The following ADAT1 variants were observed in gnomAD, a reference collection of about 807,000 sequenced individuals.
The protein encoded by ADAT1 is adenosine deaminase tRNA specific 1, also known as tRNA-specific adenosine deaminase 1.
In ADAT1, 58 loss-of-function variants were observed where a neutral mutation model predicts 58.6. The ratio of observed to expected loss-of-function variants is 0.99; its 90% confidence interval spans 0.80 to 1.23. The LOEUF (loss-of-function observed/expected upper bound fraction) is 1.23, where lower values mean the gene tolerates loss of function less well. Among genes scored for constraint, ADAT1 ranks in the 50% most tolerant of loss-of-function variants. ADAT1 has a pLI of 0.00. For missense variants in ADAT1, 741 were observed against 608.6 expected (o/e 1.22, Z -2.29); for synonymous variants, 254 against 220.8 (o/e 1.15, Z -1.33).
intron 3 of ADAT1, 79 bp downstream of exon 3, chr16:75,620,187 C>T: frequency 2.1e-6 from 3 of 1,415,526 alleles, no homozygotes; most frequent in Non-Finnish European, 3.0e-6. Flanking sequence ...TGACATGGCC[C>T]CTCTTCCCTG....
At chr16:75,603,761 C>T (rs2081288009) in intron 8 of ADAT1, among the ~76,000 whole-genome samples, 1 of 152,160 alleles carries the variant, frequency 6.6e-6, no homozygotes, top group Non-Finnish European at 1.5e-5. Flanking sequence ...GCCTTCTTTT[C>T]CCTCATGTAT....
At chr16:75,604,474 T>TACACACACACACACACACAC (rs373687206) in intron 8 of ADAT1, among the ~76,000 whole-genome samples, 1 of 54,014 alleles carries the variant, frequency 1.9e-5, no homozygotes, top group Non-Finnish European at 2.8e-5. Context: ...TATATATATA[T>TACACACACACACACACACAC]ACACACACAC....
Position 75,604,484 on chromosome 16 carries a change from C to T in ADAT1, c.1290-1313G>A, listed in dbSNP as rs867606139. 0.017 allele frequency among the ~76,000 whole-genome samples: 1,707 copies of T among 98,524 alleles called. 104 individuals carry two copies. In the East Asian group the frequency reaches 0.25, roughly 15 times the overall value. The allele number at this position is 98,524 out of a possible 152,430, so 64.6% of individuals were successfully genotyped here. On this transcript the variant is annotated intron_variant, in intron 8 of 9. Coordinates refer to ENST00000564657, the MANE Select transcript of ADAT1 (RefSeq NM_001324445.2). ...ATATATATATATATATACACACACA[C>T]ACACACACACACACACACACACACA...
Position 75,600,220 on chromosome 16 carries a change from T to A in ADAT1, c.1505A>T (p.Lys502Met). Residue 502 changes from lysine (K) to methionine (M), a missense_variant, in exon 10 of 10, where the codon AAG (lysine) becomes ATG (methionine). Physicochemically the swap from Lys to Met is moderately conservative, Grantham distance 95. Coordinates refer to ENST00000564657, the MANE Select transcript of ADAT1 (RefSeq NM_001324445.2). ...IRNPPDYHQF[K>M] ...ACCAGAGCAAACATTTCCTTCTCAC[T>A]TGAACTGGTGATAATCCGGTGGGTT... 6.2e-7 allele frequency: 1 copy of A among 1,614,176 alleles called. No individual in the cohort carries two copies.
Position 75,612,322 on chromosome 16 carries a change from C to A in ADAT1, c.964G>T (p.Glu322Ter). 1.9e-6 allele frequency: 3 copies of A among 1,614,178 alleles called. No homozygotes were observed. The highest frequency in any genetic ancestry group is 2.5e-6 in the Non-Finnish European group (3 of 1,180,034). ...ACCACAGCTGACAGGTAGATGGGCT[C>A]TTCCAGCAAGTGCATCAACAGTGCC... The part of the protein sequence containing the change: ...QGALLMHLLE[E>*]PIYLSAVVIG... The change falls in exon 6 of 10, where the codon GAG (glutamate) becomes TAG (stop). Residue 322 changes from glutamate (E) to a stop codon, truncating the protein, a stop_gained. Transcript: ENST00000564657. LOFTEE classifies it high-confidence loss of function.
Position 75,620,253 on chromosome 16 carries a change from C to A in ADAT1, c.238+13G>T. 1.2e-6 allele frequency: 2 copies of A among 1,613,724 alleles called. No individual in the cohort carries two copies. Among genetic ancestry groups the A allele is most frequent in the Non-Finnish European group, 1.7e-6 (2 of 1,179,632 alleles). Reference sequence around the variant, plus strand: ...CAAGCTAAATCTTTGTTTAGATTCCCACCCGTGCTTACCGTTCTTCCTCAT... The same window carrying A: ...CAAGCTAAATCTTTGTTTAGATTCCAACCCGTGCTTACCGTTCTTCCTCAT... On this transcript the variant is annotated intron_variant, in intron 3 of 9. Transcript: ENST00000564657.
chr16:75,621,917 C>A (rs1327978224), intron 1 of ADAT1, among the ~76,000 whole-genome samples: 1 of 152,236 alleles, frequency 6.6e-6, no homozygotes, highest in African/African-American at 2.4e-5. Context: ...GAAGGCCGGG[C>A]GCGGTGGCTC....
At position 75,599,760 on chromosome 16, in the gene ADAT1, A is replaced by C. The variant is rs1189955544; in HGVS notation, c.*456T>G. 3 of 992,640 alleles carry C rather than the reference A, an allele frequency of 3.0e-6. No homozygotes were observed. Among genetic ancestry groups the C allele is most frequent in the African/African-American group, 1.7e-5 (1 of 57,306 alleles). The allele number at this position is 992,640 out of a possible 1,614,324, so 61.5% of individuals were successfully genotyped here. A position where few individuals can be genotyped will look rare whatever the true frequency, so the allele number is the denominator to read the frequency against. On this transcript the variant is annotated 3_prime_UTR_variant, in exon 10 of 10. Coordinates refer to ENST00000564657, the MANE Select transcript of ADAT1 (RefSeq NM_001324445.2). ...GAGGCACAGAGCAGGATCACTGAAG[A>C]ATGGGAAAAGAATGGCTCCCTGAAG...
intron 6 of ADAT1, 120 bp downstream of exon 6, chr16:75,612,123 A>G: frequency 8.6e-7 from 1 of 1,166,514 alleles, no homozygotes; most frequent in Non-Finnish European, 1.2e-6. Context: ...TCCTTAAGAC[A>G]AATTCCTGGA....
intron 9 of ADAT1, chr16:75,601,797 G>C (rs967246545): frequency 3.3e-5 from 5 of 152,124 alleles, no homozygotes; most frequent in African/African-American, 1.2e-4. Flanking sequence ...TTGACATATA[G>C]AATATATGGA....
chr16:75,599,572 G>A lies in ADAT1; in HGVS notation c.*644C>T, dbSNP rs1221678953. On this transcript the variant is annotated 3_prime_UTR_variant, in exon 10 of 10. Transcript: ENST00000564657. Reference sequence around the variant, plus strand: ...TTTGCTGGCTTTCTCTAGGTAGTAGGAAAAGATGGCCACCGGCAGTCCCAT... The same window carrying A: ...TTTGCTGGCTTTCTCTAGGTAGTAGAAAAAGATGGCCACCGGCAGTCCCAT... The A allele has an allele frequency of 4.1e-6, 4 of 985,806 alleles. No individual in the cohort carries two copies. Among genetic ancestry groups the A allele is most frequent in the Admixed American group, 1.2e-4 (2 of 16,256 alleles). The allele number at this position is 985,806 out of a possible 1,614,324, so 61.1% of individuals were successfully genotyped here. A position where few individuals can be genotyped will look rare whatever the true frequency, so the allele number is the denominator to read the frequency against.
chr16:75,604,766 G>GAAAGA (rs374666239), intron 8 of ADAT1, among the ~76,000 whole-genome samples: 12 of 152,120 alleles, frequency 7.9e-5, no homozygotes, highest in African/African-American at 2.7e-4. Context: ...GGACAGAAAA[G>GAAAGA]AAAGAAAAGT....
intron 8 of ADAT1, among the ~76,000 whole-genome samples, chr16:75,606,672 A>G (rs926065101): frequency 6.6e-6 from 1 of 152,190 alleles, no homozygotes; most frequent in Non-Finnish European, 1.5e-5. Context: ...TGGCTGCCAT[A>G]ATGGACTGCA....
chr16:75,597,288 A>G lies in ADAT1; in HGVS notation c.*2928T>C, dbSNP rs2081092192. The G allele has an allele frequency of 5.0e-6, 2 of 403,522 alleles. No homozygotes were observed. The highest frequency in any genetic ancestry group is 9.9e-6 in the Non-Finnish European group (2 of 202,030). The allele number at this position is 403,522 out of a possible 1,614,324, so 25.0% of individuals were successfully genotyped here. ...CCATGGAAAGACACAGACACAGGGAAGAAGGCCATGCGAGACACAGACACA... is the reference window on the plus strand; with the variant it reads ...CCATGGAAAGACACAGACACAGGGAGGAAGGCCATGCGAGACACAGACACA... On this transcript the variant is annotated 3_prime_UTR_variant, in exon 10 of 10. Transcript: ENST00000564657.
chr16:75,597,340 A>G lies in ADAT1; in HGVS notation c.*2876T>C, dbSNP rs1175321741. ...AAGGCCATGTGAAGACGGAGGGAGA[A>G]ACTGAAGTGATGCAGCCACAAGCCA... On this transcript the variant is annotated 3_prime_UTR_variant, in exon 10 of 10. Transcript: ENST00000564657. The G allele has an allele frequency of 6.7e-6, 3 of 449,590 alleles. No homozygotes were observed. The Admixed American group carries it at 7.2e-5, about 11-fold the overall frequency. The allele number at this position is 449,590 out of a possible 1,614,324, so 27.9% of individuals were successfully genotyped here. A position where few individuals can be genotyped will look rare whatever the true frequency, so the allele number is the denominator to read the frequency against.
rs1256529299 is a variant in ADAT1, at chr16:75,599,879, A to G, written c.*337T>C. On this transcript the variant is annotated 3_prime_UTR_variant, in exon 10 of 10. Coordinates refer to ENST00000564657, the MANE Select transcript of ADAT1 (RefSeq NM_001324445.2). ...CAAACATCATTTCAGCTCAATAAAT[A>G]TTTGCTGAATCAATGTAGGAACCCA... is the stretch of plus-strand genomic sequence containing the variant. 1 of 1,028,444 alleles carries G rather than the reference A, an allele frequency of 9.7e-7. No homozygotes were observed. The highest frequency in any genetic ancestry group is 1.2e-6 in the Non-Finnish European group (1 of 857,722). The allele number at this position is 1,028,444 out of a possible 1,614,324, so 63.7% of individuals were successfully genotyped here.
At chr16:75,611,014 T>C (rs1231608631) in intron 6 of ADAT1, among the ~76,000 whole-genome samples, 1 of 152,140 alleles carries the variant, frequency 6.6e-6, no homozygotes, top group Non-Finnish European at 1.5e-5. Context: ...TTCAGGAGGC[T>C]GAGGCAGGAG....
chr16:75,618,779 A>G, intron 3 of ADAT1, 139 bp from the exon 4 acceptor site: 1 of 939,012 alleles, frequency 1.1e-6, no homozygotes, highest in Non-Finnish European at 1.6e-6. Flanking sequence ...AGGTACCACA[A>G]TCATGAATAA....
chr16:75,615,596 T>C (rs1385991883), intron 5 of ADAT1, among the ~76,000 whole-genome samples: 1 of 150,044 alleles, frequency 6.7e-6, no homozygotes, highest in Non-Finnish European at 1.5e-5. Flanking sequence ...CTGGGCTGCA[T>C]GTAGCCAGGC....
Sources: allele counts gnomAD v4.1 joint callset (sites outside exome capture counted in the v4.1 genomes callset), GRCh38; gene constraint gnomAD v4.1.1; transcripts MANE v1.5; gene names NCBI Gene and HGNC (gene_info 2026-07-23, HGNC 2026-07-21).